SEMA3A: variants seen among roughly 807,000 people sequenced by gnomAD.
SEMA3A encodes semaphorin 3A, also known as semaphorin-3A.
Under a neutral mutation model 97.9 loss-of-function variants are expected in SEMA3A, and 29 were observed. That is an observed-to-expected ratio of 0.30 (90% CI 0.22 to 0.40). The LOEUF is 0.40. SEMA3A is among the 10% of genes least tolerant of loss of function. The pLI, the probability that SEMA3A is intolerant of heterozygous loss-of-function variation, is 1.00. For missense variants in SEMA3A, 763 were observed against 951.3 expected (o/e 0.80, Z 2.60); for synonymous variants, 321 against 323.7 (o/e 0.99, Z 0.09).
At chr7:84,195,785 AG>A, upstream of SEMA3A, among the ~76,000 whole-genome samples, 1 of 152,326 alleles carries the variant, frequency 6.6e-6, no homozygotes, top group Admixed American at 6.5e-5. Flanking sequence ...TTTGGTTTAA[AG>A]GGCAGCGGAA....
Position 84,312,798 on chromosome 7 carries a change from C to T in SEMA3A, c.-168-5506G>A, listed in dbSNP as rs568965980. ...AGGCAACCTTTGAATCTAAATCACC[C>T]AAGTGCCCAAGTGTTCAGTACTACC... On this transcript the variant is annotated intron_variant, in intron 2 of 3. Coordinates refer to the SEMA3A transcript ENST00000424555. 6.6e-4 allele frequency among the ~76,000 whole-genome samples: 95 copies of T among 143,846 alleles called. 2 individuals carry two copies. In the South Asian group the frequency reaches 0.02, roughly 30 times the overall value. The allele number at this position is 143,846 out of a possible 152,430, so 94.4% of individuals were successfully genotyped here. A position where few individuals can be genotyped will look rare whatever the true frequency, so the allele number is the denominator to read the frequency against.
intron 3 of SEMA3A, among the ~76,000 whole-genome samples, chr7:84,202,962 G>T: frequency 6.6e-6 from 1 of 151,886 alleles, no homozygotes; most frequent in East Asian, 1.9e-4. Flanking sequence ...TTCCTGTGTT[G>T]TTTTTCATCC....
intron 2 of SEMA3A, among the ~76,000 whole-genome samples, chr7:84,318,416 G>C (rs367676133): frequency 7.3e-6 from 1 of 136,448 alleles, no homozygotes; most frequent in Admixed American, 8.0e-5. Context: ...TCCGCCTCCC[G>C]GGTTCACGCC....
At chr7:84,377,185 T>C (rs929845968) in intron 1 of SEMA3A, among the ~76,000 whole-genome samples, 2 of 152,200 alleles carry the variant, frequency 1.3e-5, no homozygotes, top group Admixed American at 1.3e-4. Flanking sequence ...CATTTAAAGC[T>C]GATCTTGGCA....
At chr7:84,277,301 TATAG>T (rs1034582415) in intron 3 of SEMA3A, among the ~76,000 whole-genome samples, 1 of 152,064 alleles carries the variant, frequency 6.6e-6, no homozygotes, top group Non-Finnish European at 1.5e-5. Flanking sequence ...TGGTTTAATA[TATAG>T]ATATAGATGT....
At chr7:84,125,701 G>A (rs1302723326) in intron 3 of SEMA3A, among the ~76,000 whole-genome samples, 1 of 152,172 alleles carries the variant, frequency 6.6e-6, no homozygotes, top group Non-Finnish European at 1.5e-5. Context: ...TAATAACAGG[G>A]AGAGAGAGGC....
intron 4 of SEMA3A, among the ~76,000 whole-genome samples, chr7:84,063,840 ACT>A (rs1234295695): frequency 6.7e-6 from 1 of 149,734 alleles, no homozygotes; most frequent in South Asian, 2.2e-4. Context: ...GTTGGAAAAC[ACT>A]CTGCAGGATA....
At chr7:84,197,149 T>G (rs1002351604), upstream of SEMA3A, among the ~76,000 whole-genome samples, 3 of 152,126 alleles carry the variant, frequency 2.0e-5, no homozygotes, top group African/African-American at 4.8e-5. Context: ...TAAATTAATG[T>G]TGACACATGG....
At chr7:84,158,924 C>A (rs1019545243) in intron 1 of SEMA3A, among the ~76,000 whole-genome samples, 15 of 152,098 alleles carry the variant, frequency 9.9e-5, no homozygotes, top group African/African-American at 3.1e-4. Flanking sequence ...AGATGACAAG[C>A]ATTTCCTGAA....
Position 84,060,514 on chromosome 7 carries a change from A to T in SEMA3A, c.498T>A (p.Arg166=). The T allele has an allele frequency of 6.3e-7, 1 of 1,596,506 alleles. No individual in the cohort carries two copies. The highest frequency in any genetic ancestry group is 8.5e-7 in the Non-Finnish European group (1 of 1,173,552). The change falls in exon 5 of 17, where the codon CGT becomes CGA. Residue 166 remains arginine, a synonymous_variant. Transcript: ENST00000265362. ...KLENSHFENG[R]GKSPYDPKLL... is the part of the protein sequence containing the mutation. Reference sequence around the variant, plus strand: ...GCTTAGGGTCATATGGACTCTTCCCACGGCCGTTTTCAAAATGTGAGTTCT... The same window carrying T: ...GCTTAGGGTCATATGGACTCTTCCCTCGGCCGTTTTCAAAATGTGAGTTCT...
chr7:84,110,689 C>CTT, intron 3 of SEMA3A, 100 bp from the exon 4 acceptor site: 1 of 1,275,624 alleles, frequency 7.8e-7, no homozygotes. Context: ...CTTTTGTTTT[C>CTT]TTTCTTTTTT....
intron 1 of SEMA3A, among the ~76,000 whole-genome samples, chr7:84,169,205 GCTT>G (rs1584073745): frequency 6.6e-6 from 1 of 151,088 alleles, no homozygotes; most frequent in East Asian, 1.9e-4. Context: ...CCAAAAAAGA[GCTT>G]CTTTATTATT....
chr7:84,056,008 C>T (rs746524845), intron 5 of SEMA3A, among the ~76,000 whole-genome samples: 2 of 152,132 alleles, frequency 1.3e-5, no homozygotes, highest in Non-Finnish European at 2.9e-5. Flanking sequence ...CTATACCCTA[C>T]AAGATCTTTA....
At chr7:84,175,190 T>C (rs1014877007) in intron 1 of SEMA3A, among the ~76,000 whole-genome samples, 1 of 152,152 alleles carries the variant, frequency 6.6e-6, no homozygotes, top group Admixed American at 6.6e-5. Context: ...TTTCCTTATC[T>C]GTAAAATGAT....
chr7:84,250,002 C>A (rs1455893888), intron 3 of SEMA3A, among the ~76,000 whole-genome samples: 1 of 151,102 alleles, frequency 6.6e-6, no homozygotes, highest in African/African-American at 2.4e-5. Context: ...AATATTATTA[C>A]CACATTTCAA....
chr7:84,402,832 A>G (rs918389907), intron 1 of SEMA3A, among the ~76,000 whole-genome samples: 8 of 152,220 alleles, frequency 5.3e-5, no homozygotes, highest in Non-Finnish European at 1.0e-4. Flanking sequence ...CAAATATCAC[A>G]CGTTCTCATT....
chr7:84,133,789 A>G (rs1419219956), intron 2 of SEMA3A, among the ~76,000 whole-genome samples: 9 of 150,684 alleles, frequency 6.0e-5, no homozygotes, highest in African/African-American at 1.5e-4. Context: ...GGTGGCTCAC[A>G]CCTGTAATCC....
intron 1 of SEMA3A, among the ~76,000 whole-genome samples, chr7:84,468,966 TTTA>T (rs1806074790): frequency 6.6e-6 from 1 of 152,240 alleles, no homozygotes; most frequent in African/African-American, 2.4e-5. Context: ...ATTTTCTTTT[TTTA>T]TTTTATTTCA....
intron 1 of SEMA3A, among the ~76,000 whole-genome samples, chr7:84,476,542 T>A (rs1359212034): frequency 6.6e-6 from 1 of 152,018 alleles, no homozygotes; most frequent in Non-Finnish European, 1.5e-5. Flanking sequence ...ATAGCATGAA[T>A]GCCTACAACA....
Sources: gnomAD v4.1 joint callset for allele counts (sites outside exome capture counted in the v4.1 genomes callset) on GRCh38, gnomAD v4.1.1 for gene constraint, MANE v1.5 for transcripts, NCBI Gene and HGNC (gene_info 2026-07-23, HGNC 2026-07-21) for gene names.